The following MAPK10 variants were observed in gnomAD, a reference collection of about 807,000 sequenced individuals.
MAPK10 encodes the protein mitogen-activated protein kinase 10.
MAPK10 carries 25 observed loss-of-function variants against 59.3 expected under a neutral mutation model. That is an observed-to-expected ratio of 0.42 (90% CI 0.31 to 0.59). MAPK10 has a LOEUF of 0.59. MAPK10 is among the 20% of genes least tolerant of loss of function. MAPK10 has a pLI of 0.15. For synonymous variants in MAPK10, 190 were observed against 200.5 expected (o/e 0.95, Z 0.44); for missense variants, 351 against 568.9 (o/e 0.62, Z 3.90).
intron 1 of MAPK10, among the ~76,000 whole-genome samples, chr4:86,414,315 A>G (rs529059384): frequency 2.0e-4 from 30 of 152,208 alleles, no homozygotes; most frequent in Admixed American, 5.2e-4. Flanking sequence ...TGGAGTACAT[A>G]ACCTCAGCTA....
chr4:86,565,598 A>G lies in MAPK10; in HGVS notation c.-263+28312T>C, dbSNP rs376743867. ...TTTTCGATAATGCTAAGGGAAACAG[A>G]GCACAATGAAAAAGTATGCAGACGT... On this transcript the variant is annotated intron_variant, in intron 1 of 4. Transcript: ENST00000502302. Among the ~76,000 whole-genome samples the G allele has an allele frequency of 5.3e-5, 8 of 152,340 alleles. No homozygotes were observed. In the South Asian group the frequency reaches 8.3e-4, roughly 16 times the overall value.
At chr4:86,169,937 C>T (rs1162433854) in intron 3 of MAPK10, among the ~76,000 whole-genome samples, 1 of 152,064 alleles carries the variant, frequency 6.6e-6, no homozygotes, top group East Asian at 1.9e-4. Flanking sequence ...AGAATTTCAA[C>T]CCAGAATTTC....
intron 1 of MAPK10, among the ~76,000 whole-genome samples, chr4:86,391,202 A>C (rs762098918): frequency 5.3e-5 from 8 of 152,238 alleles, no homozygotes; most frequent in Non-Finnish European, 1.0e-4. Context: ...GGTTTAGTAC[A>C]TAAAATTATA....
At chr4:86,180,962 T>C (rs914448356) in intron 3 of MAPK10, among the ~76,000 whole-genome samples, 2 of 152,062 alleles carry the variant, frequency 1.3e-5, no homozygotes, top group Non-Finnish European at 2.9e-5. Flanking sequence ...GTTTATATTA[T>C]AAATTTCAAA....
In MAPK10 at chr4:86,127,862, T is replaced by C. The variant is rs373609176; in HGVS notation, c.237-20510A>G. On this transcript the variant is annotated intron_variant, in intron 4 of 13. Transcript: ENST00000641462. ...TAGCAGAGATCAACTAAACTTACCC[T>C]CACATTGATCACTATCAATGTGAAA... 7.2e-5 allele frequency among the ~76,000 whole-genome samples: 11 copies of C among 152,164 alleles called. No homozygotes were observed. The East Asian group carries it at 1.7e-3, about 24-fold the overall frequency.
chr4:86,505,996 G>C (rs1208486821), intron 1 of MAPK10, among the ~76,000 whole-genome samples: 1 of 152,062 alleles, frequency 6.6e-6, no homozygotes, highest in East Asian at 1.9e-4. Context: ...AGGCAATATA[G>C]AGACATACTC....
chr4:86,314,977 AAATGTTTTT>A (rs60500537), intron 2 of MAPK10, among the ~76,000 whole-genome samples: 4,052 of 152,232 alleles, frequency 0.027, 170 homozygotes, highest in African/African-American at 0.091. Context: ...TGAACATTTT[AAATGTTTTT>A]AATGTTTAAA....
At chr4:86,022,543 C>T (rs1203836619) in intron 13 of MAPK10, among the ~76,000 whole-genome samples, 5 of 151,992 alleles carry the variant, frequency 3.3e-5, no homozygotes, top group African/African-American at 9.7e-5. Context: ...GGGTCTCAGT[C>T]GCCCAGCCTG....
intron 2 of MAPK10, among the ~76,000 whole-genome samples, chr4:86,240,625 T>C (rs1248185480): frequency 6.6e-6 from 1 of 152,188 alleles, no homozygotes; most frequent in Non-Finnish European, 1.5e-5. Context: ...CTTTGTTGGT[T>C]GAAAGTCTGT....
intron 1 of MAPK10, among the ~76,000 whole-genome samples, chr4:86,527,136 T>C (rs548091981): frequency 2.0e-5 from 3 of 151,572 alleles, no homozygotes; most frequent in African/African-American, 4.8e-5. Context: ...TAGTAAGACC[T>C]TGTCGCTACT....
intron 2 of MAPK10, among the ~76,000 whole-genome samples, chr4:86,306,834 C>T (rs2148860308): frequency 6.6e-6 from 1 of 152,264 alleles, no homozygotes; most frequent in Non-Finnish European, 1.5e-5. Context: ...CCATGAAGGC[C>T]ACGAGTACTA....
At chr4:86,579,516 TAC>T (rs35878270) in intron 1 of MAPK10, among the ~76,000 whole-genome samples, 15,328 of 146,152 alleles carry the variant, frequency 0.1, 795 homozygotes, top group Non-Finnish European at 0.13. Flanking sequence ...GATATGTGTA[TAC>T]ACACACACAC....
chr4:86,120,230 C>G lies in MAPK10; in HGVS notation c.237-12878G>C, dbSNP rs1387014579. The G allele has an allele frequency of 4.6e-5, 7 of 152,262 alleles. No individual in the cohort carries two copies. The East Asian group carries it at 1.2e-3, about 25-fold the overall frequency. 9.4% of individuals were successfully genotyped at this position (152,262 alleles called of 1,614,324 possible). A position where few individuals can be genotyped will look rare whatever the true frequency, so the allele number is the denominator to read the frequency against. ...TATGTAACCAACTAACCTAGATGAC[C>G]AAGCCTAATTATAGAGTTTTCATTC... On this transcript the variant is annotated intron_variant, in intron 4 of 13. Transcript: ENST00000641462.
chr4:86,314,563 T>C (rs1265909754), intron 2 of MAPK10, among the ~76,000 whole-genome samples: 1 of 152,156 alleles, frequency 6.6e-6, no homozygotes, highest in Non-Finnish European at 1.5e-5. Context: ...AACCTCTTTT[T>C]CTTCCCAGTC....
intron 2 of MAPK10, among the ~76,000 whole-genome samples, chr4:86,228,791 T>C (rs1214850724): frequency 6.6e-6 from 1 of 152,196 alleles, no homozygotes; most frequent in East Asian, 1.9e-4. Flanking sequence ...ATTTGTTGAA[T>C]GAATGAAGAC....
chr4:86,323,538 C>G (rs1433874826), intron 2 of MAPK10, among the ~76,000 whole-genome samples: 3 of 152,042 alleles, frequency 2.0e-5, no homozygotes, highest in Non-Finnish European at 4.4e-5. Flanking sequence ...ATGTTTAAAC[C>G]GAGTCTATCA....
At chr4:86,473,744 G>A (rs1328996860) in intron 1 of MAPK10, among the ~76,000 whole-genome samples, 1 of 152,134 alleles carries the variant, frequency 6.6e-6, no homozygotes. Flanking sequence ...GGTCAGGGAG[G>A]GGTAGAAATT....
chr4:86,177,059 C>T (rs541366882), intron 3 of MAPK10, among the ~76,000 whole-genome samples: 10 of 151,980 alleles, frequency 6.6e-5, no homozygotes, highest in South Asian at 4.2e-4. Flanking sequence ...TTTCTCTTTC[C>T]CCATTACATG....
At chr4:86,308,309 T>C (rs1017926405) in intron 2 of MAPK10, among the ~76,000 whole-genome samples, 1 of 152,152 alleles carries the variant, frequency 6.6e-6, no homozygotes, top group South Asian at 2.1e-4. Flanking sequence ...TCTTATCTAA[T>C]TGAAAAAAGA....
Sources: allele counts gnomAD v4.1 joint callset (sites outside exome capture counted in the v4.1 genomes callset), GRCh38; gene constraint gnomAD v4.1.1; transcripts MANE v1.5; gene names NCBI Gene and HGNC (gene_info 2026-07-23, HGNC 2026-07-21).